The following TMEM131L variants were observed in gnomAD, a reference collection of about 807,000 sequenced individuals.
TMEM131L encodes the protein transmembrane protein 131-like.
In TMEM131L, 54 loss-of-function variants were observed where a neutral mutation model predicts 192.2. The observed-to-expected ratio is 0.28, with a 90% CI of 0.23 to 0.35. The LOEUF (loss-of-function observed/expected upper bound fraction) is 0.35. TMEM131L is among the 10% of genes least tolerant of loss of function. TMEM131L has a pLI of 1.00. For missense variants in TMEM131L, 1,888 were observed against 1,972.9 expected, an observed-to-expected ratio of 0.96 and a Z score of 0.82; for synonymous variants, 701 against 704.9, an observed-to-expected ratio of 0.99 and a Z score of 0.09.
chr4:153,513,696 C>G (rs1734514595), intron 3 of TMEM131L, among the ~76,000 whole-genome samples: 1 of 152,140 alleles, frequency 6.6e-6, no homozygotes. Context: ...TGGCAATTGA[C>G]AAGGATAATG....
intron 2 of TMEM131L, 72 bp downstream of exon 2, chr4:153,467,353 C>T: frequency 7.5e-7 from 1 of 1,333,332 alleles, no homozygotes. Flanking sequence ...CCCGGTCCTC[C>T]CCACCCCCTG....
intron 3 of TMEM131L, among the ~76,000 whole-genome samples, chr4:153,497,188 G>A (rs930617014): frequency 2.6e-5 from 4 of 152,122 alleles, no homozygotes; most frequent in Non-Finnish European, 5.9e-5. Context: ...ATGTTTTTGA[G>A]GACTTTGGGG....
chr4:153,489,160 C>T (rs544347045), intron 3 of TMEM131L, among the ~76,000 whole-genome samples: 1 of 152,254 alleles, frequency 6.6e-6, no homozygotes, highest in South Asian at 2.1e-4. Context: ...TCTGTGAGCC[C>T]TTGTGAATGT....
At position 153,486,717 on chromosome 4, in the gene TMEM131L, C is replaced by T. The variant is rs1174226076; in HGVS notation, c.239+12829C>T. Among the ~76,000 whole-genome samples, 5 of 152,228 alleles carry T rather than the reference C, an allele frequency of 3.3e-5. No individual in the cohort carries two copies. In the East Asian group the frequency reaches 9.6e-4, roughly 29 times the overall value. On this transcript the variant is annotated intron_variant, in intron 3 of 34. Coordinates refer to ENST00000409959, the MANE Select transcript of TMEM131L (RefSeq NM_001131007.2). ...CTACTTTCTCAGAAGTACTCCCCAG[C>T]AGACTTCCCCTTCACATCTTACAGG...
At position 153,617,328 on chromosome 4, in the gene TMEM131L, T is replaced by C. The variant is rs543587535; in HGVS notation, c.3568-3428T>C. Among the ~76,000 whole-genome samples, 4 of 152,328 alleles carry C rather than the reference T, an allele frequency of 2.6e-5. No homozygotes were observed. The South Asian group carries it at 8.3e-4, about 32-fold the overall frequency. On this transcript the variant is annotated intron_variant, in intron 26 of 34. Coordinates refer to ENST00000409959, the MANE Select transcript of TMEM131L (RefSeq NM_001131007.2). ...CTTTTGTAAATTGCCCAGTCTTAGG[T>C]ATGTCTTTATCAGCAGCGTGAAAAC...
In TMEM131L at chr4:153,581,455, A is replaced by G; in HGVS notation, c.787A>G (p.Met263Val). Residue 263 changes from methionine to valine, a missense_variant, in exon 9 of 35, where the codon ATG (methionine) becomes GTG (valine). Coordinates refer to ENST00000409959, the MANE Select transcript of TMEM131L (RefSeq NM_001131007.2). Reference protein sequence around the residue: ...DDVLRLQMSIMVTMENFSKEF... With the variant: ...DDVLRLQMSIVVTMENFSKEF... ...TGTTTTGCGTCTACAAATGAGCATAATGGTAACAATGGAAAACTTTTCAAA... is the reference window on the plus strand; with the variant it reads ...TGTTTTGCGTCTACAAATGAGCATAGTGGTAACAATGGAAAACTTTTCAAA... 6.3e-7 allele frequency: 1 copy of G among 1,595,522 alleles called. No homozygotes were observed. The highest frequency in any genetic ancestry group is 1.3e-5 in the African/African-American group (1 of 74,300).
chr4:153,473,912 A>G (rs1245271000), intron 3 of TMEM131L, 24 bp downstream of exon 3: 1 of 1,530,256 alleles, frequency 6.5e-7, no homozygotes, highest in Admixed American at 2.0e-5. Flanking sequence ...GGGGGTGGAA[A>G]CCTGCATGCT....
At chr4:153,489,652 A>AT (rs1732626513) in intron 3 of TMEM131L, among the ~76,000 whole-genome samples, 2 of 151,832 alleles carry the variant, frequency 1.3e-5, no homozygotes, top group African/African-American at 4.8e-5. Flanking sequence ...TAATTTTTGT[A>AT]TTTTTAGTAG....
At chr4:153,469,343 G>T (rs1730993412) in intron 2 of TMEM131L, among the ~76,000 whole-genome samples, 1 of 95,992 alleles carries the variant, frequency 1.0e-5, no homozygotes, top group Non-Finnish European at 1.9e-5. Context: ...ACACACACGT[G>T]TGTATGTGTG....
At chr4:153,535,727 ATAT>A (rs1401643715) in intron 3 of TMEM131L, among the ~76,000 whole-genome samples, 2 of 152,188 alleles carry the variant, frequency 1.3e-5, no homozygotes, top group Admixed American at 1.3e-4. Flanking sequence ...AACATCTTTA[ATAT>A]TCTCACAGGT....
At chr4:153,541,241 A>G (rs1736755789) in intron 3 of TMEM131L, among the ~76,000 whole-genome samples, 1 of 152,244 alleles carries the variant, frequency 6.6e-6, no homozygotes. Flanking sequence ...AGGGTTTTGC[A>G]AAGTCCTTTA....
At chr4:153,595,048 G>A (rs13147431) in intron 19 of TMEM131L, among the ~76,000 whole-genome samples, 40,569 of 151,886 alleles carry the variant, frequency 0.27, 5,743 homozygotes, top group Non-Finnish European at 0.33. Flanking sequence ...ATCTATGACT[G>A]TTTTTCCCAA....
intron 9 of TMEM131L, among the ~76,000 whole-genome samples, chr4:153,582,647 T>C (rs1217698216): frequency 6.6e-6 from 1 of 151,920 alleles, no homozygotes; most frequent in East Asian, 1.9e-4. Context: ...TAGTGCTGGA[T>C]CAGCAGGAGA....
chr4:153,473,351 G>C lies in TMEM131L; in HGVS notation c.196-494G>C, dbSNP rs560221666. ...CAGTCTGCAGGCAGAGAAGAAAGCT[G>C]CGTTTGTCTTCTAATACAGCCGGGG... On this transcript the variant is annotated intron_variant, in intron 2 of 34. Transcript: ENST00000409959. Among the ~76,000 whole-genome samples, 284 of 152,360 alleles carry C rather than the reference G, an allele frequency of 1.9e-3. 1 individual carries two copies. The highest frequency in any genetic ancestry group is 6.5e-3 in the African/African-American group (270 of 41,590).
Position 153,593,784 on chromosome 4 carries a change from C to CT in TMEM131L, c.1923-9dup, listed in dbSNP as rs751034183. 5 of 1,589,018 alleles carry CT rather than the reference C, an allele frequency of 3.1e-6. No homozygotes were observed. Among genetic ancestry groups the CT allele is most frequent in the Non-Finnish European group, 4.3e-6 (5 of 1,157,130 alleles). ...ATGTGAGTGCTGTTTTAAACATTTG[C>CT]TTTTTTCCTTATAGGTTTGGCACTG... is the stretch of plus-strand genomic sequence containing the variant. On this transcript the variant is annotated splice_polypyrimidine_tract_variant and intron_variant, in intron 18 of 34. Coordinates refer to ENST00000409959, the MANE Select transcript of TMEM131L (RefSeq NM_001131007.2).
Position 153,555,234 on chromosome 4 carries a change from T to G in TMEM131L, c.309-553T>G, listed in dbSNP as rs79069225. On this transcript the variant is annotated intron_variant, in intron 4 of 34. Coordinates refer to ENST00000409959, the MANE Select transcript of TMEM131L (RefSeq NM_001131007.2). The surrounding 1 kb of genome is among the most constrained non-coding windows in gnomAD (Gnocchi z 4.1). ...CTAAGACCTAATAAAATAACATCTC[T>G]TTGTGAGCTGAAAATACATACCTCC... 6.3e-3 allele frequency among the ~76,000 whole-genome samples: 957 copies of G among 152,282 alleles called. 20 individuals carry two copies. The East Asian group carries it at 0.084, about 13-fold the overall frequency.
chr4:153,621,597 C>T, intron 27 of TMEM131L, 86 bp from the exon 28 acceptor site: 16 of 1,383,302 alleles, frequency 1.2e-5, no homozygotes, highest in Non-Finnish European at 1.6e-5. Flanking sequence ...ATATTTTCAC[C>T]TCTAATAAGT....
chr4:153,534,724 C>T (rs144831711), intron 3 of TMEM131L, among the ~76,000 whole-genome samples: 1,695 of 152,292 alleles, frequency 0.011, 33 homozygotes, highest in African/African-American at 0.038. Flanking sequence ...TGAGCCACGG[C>T]GCCTGGCCAG....
chr4:153,563,216 C>T (rs1320258315), intron 7 of TMEM131L, among the ~76,000 whole-genome samples: 1 of 152,104 alleles, frequency 6.6e-6, no homozygotes, highest in Non-Finnish European at 1.5e-5. Context: ...GAAGGAAAAA[C>T]AGCAGGAATA....
Sources: allele counts gnomAD v4.1 joint callset (sites outside exome capture counted in the v4.1 genomes callset), GRCh38; gene constraint gnomAD v4.1.1; non-coding constraint Gnocchi (gnomAD v3.1); transcripts MANE v1.5; gene names NCBI Gene and HGNC (gene_info 2026-07-23, HGNC 2026-07-21).